CADM1: variants seen among roughly 807,000 people sequenced by gnomAD.
CADM1 encodes cell adhesion molecule 1, also known as TSLC-1.
A neutral mutation model predicts 53.1 loss-of-function variants in CADM1; 15 were observed. The observed-to-expected ratio is 0.28, with a 90% CI of 0.19 to 0.44. The LOEUF (loss-of-function observed/expected upper bound fraction) is 0.44, where lower values mean the gene tolerates loss of function less well. CADM1 is among the 20% of genes least tolerant of loss of function. CADM1 has a pLI of 1.00. For synonymous variants in CADM1, 281 were observed against 243.0 expected, an observed-to-expected ratio of 1.16 and a Z score of -1.45; for missense variants, 434 against 611.3, an observed-to-expected ratio of 0.71 and a Z score of 3.06.
In CADM1 at chr11:115,209,589, GGATGGTGGT is replaced by G. The variant is rs1263751333; in HGVS notation, c.1054_1062del (p.Thr352_Ile354del). The G allele has an allele frequency of 1.2e-6, 2 of 1,610,142 alleles. No individual in the cohort carries two copies. The highest frequency in any genetic ancestry group is 2.7e-5 in the African/African-American group (2 of 74,370). On this transcript the variant is annotated inframe_deletion, in exon 8 of 12. Transcript: ENST00000331581. Reference sequence around the variant, plus strand: ...GATACCATACCTGTGATGATGGTAAGGATGGTGGTGGTGGTGGTGGTGGTGGTGGTGGTG... The same window carrying G: ...GATACCATACCTGTGATGATGGTAAGGGTGGTGGTGGTGGTGGTGGTGGTG...
chr11:115,461,567 C>T (rs557514913), intron 1 of CADM1, among the ~76,000 whole-genome samples: 13 of 152,218 alleles, frequency 8.5e-5, no homozygotes, highest in Admixed American at 6.5e-4. Context: ...GCACATGAAG[C>T]ATGAAAAGAA....
intron 1 of CADM1, among the ~76,000 whole-genome samples, chr11:115,502,325 G>A (rs1354747777): frequency 1.6e-5 from 2 of 125,704 alleles, no homozygotes; most frequent in African/African-American, 3.0e-5. Context: ...ACCGCCCCCC[G>A]GCTTTTTTTT....
At chr11:115,458,958 G>C (rs1948737464) in intron 1 of CADM1, among the ~76,000 whole-genome samples, 1 of 152,112 alleles carries the variant, frequency 6.6e-6, no homozygotes. Flanking sequence ...ACAACGCATA[G>C]CAAGGCTTCA....
At chr11:115,267,563 G>A (rs1335033131) in intron 1 of CADM1, among the ~76,000 whole-genome samples, 2 of 152,056 alleles carry the variant, frequency 1.3e-5, no homozygotes, top group African/African-American at 4.8e-5. Context: ...TTTAGCACAC[G>A]CTGGAAATCA....
intron 3 of CADM1, among the ~76,000 whole-genome samples, chr11:115,237,543 T>C (rs1038668499): frequency 3.9e-5 from 6 of 152,198 alleles, no homozygotes; most frequent in Non-Finnish European, 8.8e-5. Flanking sequence ...AAAATGTCCT[T>C]CATATTTATC....
chr11:115,285,803 C>CT lies in CADM1; in HGVS notation c.125-45384dup, dbSNP rs200108021. On this transcript the variant is annotated intron_variant, in intron 1 of 11. Coordinates refer to ENST00000331581, the MANE Select transcript of CADM1 (RefSeq NM_001301043.2). Reference sequence around the variant, plus strand: ...CCTCCCTCTGAGCCACTGTAGCTCTCTCATCATGTGGGTCCTGTGGGGCAG... The same window carrying CT: ...CCTCCCTCTGAGCCACTGTAGCTCTCTTCATCATGTGGGTCCTGTGGGGCAG... Among the ~76,000 whole-genome samples, 7 of 152,276 alleles carry CT rather than the reference C, an allele frequency of 4.6e-5. No homozygotes were observed. In the East Asian group the frequency reaches 1.4e-3, roughly 29 times the overall value.
chr11:115,259,290 CTTTTTTTTTTTTTT>C (rs71066411), intron 1 of CADM1, among the ~76,000 whole-genome samples: 847 of 55,134 alleles, frequency 0.015, 24 homozygotes, highest in African/African-American at 0.057. Flanking sequence ...CCAGTCTTAA[CTTTTTTTTTTTTTT>C]TTTTTTTTTT....
intron 1 of CADM1, among the ~76,000 whole-genome samples, chr11:115,438,900 A>C (rs570596915): frequency 6.6e-6 from 1 of 152,320 alleles, no homozygotes; most frequent in Admixed American, 6.5e-5. Context: ...TTTTGCCTGC[A>C]TCAGTCAAAA....
At chr11:115,501,828 T>C (rs1223309458) in intron 1 of CADM1, among the ~76,000 whole-genome samples, 1 of 152,184 alleles carries the variant, frequency 6.6e-6, no homozygotes, top group East Asian at 1.9e-4. Context: ...AAAAGTCCCT[T>C]GGTGCCCACC....
chr11:115,253,071 C>G (rs1364239019), intron 1 of CADM1, among the ~76,000 whole-genome samples: 1 of 152,162 alleles, frequency 6.6e-6, no homozygotes, highest in African/African-American at 2.4e-5. Context: ...ACACTGATGA[C>G]CCCTGATAAG....
At chr11:115,382,956 C>T (rs1280083740) in intron 1 of CADM1, among the ~76,000 whole-genome samples, 1 of 152,200 alleles carries the variant, frequency 6.6e-6, no homozygotes, top group African/African-American at 2.4e-5. Context: ...AAGGACTTTA[C>T]ATGTATTCCC....
intron 1 of CADM1, among the ~76,000 whole-genome samples, chr11:115,292,886 A>G (rs1332292512): frequency 6.6e-6 from 1 of 152,224 alleles, no homozygotes; most frequent in Non-Finnish European, 1.5e-5. Context: ...CAATATTGAT[A>G]TTCTAATTTA....
chr11:115,452,126 A>G (rs1418710990), intron 1 of CADM1, among the ~76,000 whole-genome samples: 8 of 66,704 alleles, frequency 1.2e-4, no homozygotes, highest in Non-Finnish European at 1.9e-4. Context: ...AAAATTTCTA[A>G]GGTTTGGCGG....
rs1202347226 is a variant in CADM1 at position 115,501,112 on chromosome 11, T to A, written c.124+3159A>T. On this transcript the variant is annotated intron_variant, in intron 1 of 11. Transcript: ENST00000331581. Reference sequence around the variant, plus strand: ...AAAAGATTGCTCAATGGGTCTCTTGTTCCTCCAAAACGTCCCAGGCAAATA... The same window carrying A: ...AAAAGATTGCTCAATGGGTCTCTTGATCCTCCAAAACGTCCCAGGCAAATA... Among the ~76,000 whole-genome samples, 3 of 152,202 alleles carry A rather than the reference T, an allele frequency of 2.0e-5. No homozygotes were observed. In the East Asian group the frequency reaches 5.8e-4, roughly 29 times the overall value.
Position 115,383,966 on chromosome 11 carries a change from AT to A in CADM1, c.124+120304del, listed in dbSNP as rs1196343570. Among the ~76,000 whole-genome samples, 3 of 152,116 alleles carry A rather than the reference AT, an allele frequency of 2.0e-5. No homozygotes were observed. In the South Asian group the frequency reaches 6.2e-4, roughly 32 times the overall value. ...TAAGAGCTCCTGGAAAAAAAAAAAA[AT>A]TGCAACTGATCTTCATCTGTGTAGA... is the stretch of plus-strand genomic sequence containing the variant. On this transcript the variant is annotated intron_variant, in intron 1 of 11. Transcript: ENST00000331581.
chr11:115,488,594 T>C (rs1949428396), intron 1 of CADM1, among the ~76,000 whole-genome samples: 1 of 152,208 alleles, frequency 6.6e-6, no homozygotes, highest in Admixed American at 6.5e-5. Context: ...TCCAAACTTC[T>C]CCTAAATTAA....
At chr11:115,189,295 A>C (rs1939728172) in intron 10 of CADM1, among the ~76,000 whole-genome samples, 1 of 152,154 alleles carries the variant, frequency 6.6e-6, no homozygotes, top group African/African-American at 2.4e-5. Flanking sequence ...TGCTGGTGGA[A>C]GGGGTGGATG....
At chr11:115,345,154 G>T (rs1394080077) in intron 1 of CADM1, among the ~76,000 whole-genome samples, 1 of 152,102 alleles carries the variant, frequency 6.6e-6, no homozygotes, top group Non-Finnish European at 1.5e-5. Flanking sequence ...TCTTCTGCAC[G>T]ACCACAAAAG....
rs552309443 is a variant in CADM1, at chr11:115,369,026, TAAAAAAAAAA to T, written c.125-128616_125-128607del. Among the ~76,000 whole-genome samples, 12 of 44,750 alleles carry T rather than the reference TAAAAAAAAAA, an allele frequency of 2.7e-4. 1 individual carries two copies. The highest frequency in any genetic ancestry group is 2.7e-3 in the South Asian group (2 of 754). 29.4% of individuals were successfully genotyped at this position (44,750 alleles called of 152,430 possible). ...GTGCCTAGCAGAGTGAAAAAAAATC[TAAAAAAAAAA>T]AAAAAAAAAAAAAAAAAATTAGGTA... On this transcript the variant is annotated intron_variant, in intron 1 of 11. Coordinates refer to ENST00000331581, the MANE Select transcript of CADM1 (RefSeq NM_001301043.2).
Sources: gnomAD v4.1 joint callset for allele counts (sites outside exome capture counted in the v4.1 genomes callset) on GRCh38, gnomAD v4.1.1 for gene constraint, MANE v1.5 for transcripts, NCBI Gene and HGNC (gene_info 2026-07-23, HGNC 2026-07-21) for gene names.